Variants in KIAA0319 observed in about 807,000 individuals in gnomAD.
The protein encoded by KIAA0319 is KIAA0319.
Under a neutral mutation model 108.4 loss-of-function variants are expected in KIAA0319, and 83 were observed. The ratio of observed to expected loss-of-function variants is 0.77; its 90% CI spans 0.64 to 0.92. The LOEUF (loss-of-function observed/expected upper bound fraction) is 0.92, where lower values mean the gene tolerates loss of function less well. KIAA0319 is among the 40% of genes least tolerant of loss of function. KIAA0319 has a pLI of 0.00. For missense variants in KIAA0319, 1,195 were observed against 1,322.4 expected, an observed-to-expected ratio of 0.90 and a Z score of 1.49; for synonymous variants, 484 against 510.4, an observed-to-expected ratio of 0.95 and a Z score of 0.70.
chr6:24,551,778 C>T (rs570113981), intron 19 of KIAA0319, among the ~76,000 whole-genome samples: 16 of 152,298 alleles, frequency 1.1e-4, no homozygotes, highest in African/African-American at 3.8e-4. Context: ...AGCTAAGCCT[C>T]AGGCTGCAGT....
intron 14 of KIAA0319, among the ~76,000 whole-genome samples, chr6:24,565,304 A>T (rs1255992172): frequency 6.7e-6 from 1 of 149,334 alleles, no homozygotes; most frequent in Non-Finnish European, 1.5e-5. Context: ...ACCACTCCTT[A>T]GTACATCTCC....
chr6:24,621,309 A>T (rs1439291437), intron 1 of KIAA0319, among the ~76,000 whole-genome samples: 2 of 152,078 alleles, frequency 1.3e-5, no homozygotes, highest in African/African-American at 2.4e-5. Context: ...TCCTTAACAC[A>T]CTCACTTTAT....
intron 16 of KIAA0319, among the ~76,000 whole-genome samples, chr6:24,561,262 G>T (rs1043959952): frequency 3.3e-5 from 5 of 152,220 alleles, no homozygotes; most frequent in Non-Finnish European, 1.5e-5. Flanking sequence ...CTTACTGAAT[G>T]AGTTGGGAAA....
chr6:24,594,656 A>G (rs1365531180), intron 3 of KIAA0319, among the ~76,000 whole-genome samples: 1 of 150,608 alleles, frequency 6.6e-6, no homozygotes, highest in Non-Finnish European at 1.5e-5. Flanking sequence ...AAAAAAAAAC[A>G]CTTAAAAATG....
chr6:24,591,142 C>A (rs564191249), intron 3 of KIAA0319, among the ~76,000 whole-genome samples: 12 of 152,272 alleles, frequency 7.9e-5, no homozygotes, highest in African/African-American at 2.9e-4. Context: ...TTCCTAGATA[C>A]CCTGTTCAAT....
rs1456490426 is a variant in KIAA0319 at position 24,600,569 on chromosome 6, A to G, written c.55+480T>C. On this transcript the variant is annotated intron_variant, in intron 2 of 20. Transcript: ENST00000378214. The stretch of plus-strand genomic sequence containing the variant: ...TGTGTTACATTTGGACAAACTGTAC[A>G]TAACAGTTTTTCTAGTCATATCACC... 10 of 929,756 alleles carry G rather than the reference A, an allele frequency of 1.1e-5. No homozygotes were observed. In the Admixed American group the frequency reaches 1.4e-4, roughly 13 times the overall value. 57.6% of individuals were successfully genotyped at this position (929,756 alleles called of 1,614,324 possible).
chr6:24,548,733 A>C (rs896528018), intron 20 of KIAA0319, among the ~76,000 whole-genome samples: 3 of 152,238 alleles, frequency 2.0e-5, no homozygotes, highest in Non-Finnish European at 4.4e-5. Flanking sequence ...GAAATAATGA[A>C]GGAGAGAGGC....
rs191995914 is a variant in KIAA0319 at position 24,594,373 on chromosome 6, C to T, written c.801+1500G>A. ...GGGCACGGTGGCTCATGCCTGTAATCCCAACACTTTGGGAGGCCGAGGTGG... is the reference window on the plus strand; with the variant it reads ...GGGCACGGTGGCTCATGCCTGTAATTCCAACACTTTGGGAGGCCGAGGTGG... On this transcript the variant is annotated intron_variant, in intron 3 of 20. Coordinates refer to ENST00000378214, the MANE Select transcript of KIAA0319 (RefSeq NM_014809.4). Among the ~76,000 whole-genome samples the T allele has an allele frequency of 3.0e-3, 459 of 151,848 alleles. 1 individual carries two copies. The highest frequency in any genetic ancestry group is 7.5e-3 in the African/African-American group (311 of 41,408).
chr6:24,585,192 C>T (rs758511977), intron 4 of KIAA0319, among the ~76,000 whole-genome samples: 3 of 152,168 alleles, frequency 2.0e-5, no homozygotes, highest in African/African-American at 7.2e-5. Context: ...GAGACCAGAA[C>T]ATGCCACCCC....
intron 10 of KIAA0319, among the ~76,000 whole-genome samples, chr6:24,576,161 G>A (rs1334409573): frequency 6.6e-6 from 1 of 152,212 alleles, no homozygotes; most frequent in Non-Finnish European, 1.5e-5. Flanking sequence ...ATTGGTTGCT[G>A]TCCTGTGCTT....
intron 4 of KIAA0319, among the ~76,000 whole-genome samples, chr6:24,587,308 ACT>A (rs1426992021): frequency 2.7e-5 from 4 of 150,076 alleles, no homozygotes; most frequent in East Asian, 3.9e-4. Context: ...ACGGAATCTC[ACT>A]CTGTCGCCCA....
chr6:24,556,375 G>A (rs1345535379), intron 18 of KIAA0319, among the ~76,000 whole-genome samples: 2 of 151,996 alleles, frequency 1.3e-5, no homozygotes, highest in Admixed American at 6.6e-5. Context: ...ATACTATGTT[G>A]TCCAAGCTGG....
chr6:24,596,010 C>T lies in KIAA0319; in HGVS notation c.664G>A (p.Ala222Thr). Reference protein sequence around the residue: ...DPELHYLNESASTPAPKLPER... With the variant: ...DPELHYLNESTSTPAPKLPER... ...GGGAGTTTTGGGGCAGGGGTTGAAG[C>T]CGACTCATTCAGGTAATGGAGCTCA... The change falls in exon 3 of 21, where the codon GCT becomes ACT. Residue 222 changes from alanine (A) to threonine (T), a missense_variant. Physicochemically the swap from Ala to Thr is moderately conservative, Grantham distance 58. Coordinates refer to ENST00000378214, the MANE Select transcript of KIAA0319 (RefSeq NM_014809.4). 1 of 1,614,198 alleles carries T rather than the reference C, an allele frequency of 6.2e-7. No homozygotes were observed. Among genetic ancestry groups the T allele is most frequent in the Non-Finnish European group, 8.5e-7 (1 of 1,180,038 alleles).
At chr6:24,553,335 A>G (rs62400520) in intron 19 of KIAA0319, among the ~76,000 whole-genome samples, 25,406 of 83,580 alleles carry the variant, frequency 0.3, 2,793 homozygotes, top group Middle Eastern at 0.36. Flanking sequence ...ACACACACAC[A>G]CGCACATATA....
At chr6:24,571,450 A>G (rs1159476970) in intron 11 of KIAA0319, among the ~76,000 whole-genome samples, 1 of 151,656 alleles carries the variant, frequency 6.6e-6, no homozygotes, top group African/African-American at 2.4e-5. Context: ...GCACCACGCC[A>G]CAGCCCCCAT....
At chr6:24,568,249 C>T (rs1376687214) in intron 13 of KIAA0319, among the ~76,000 whole-genome samples, 1 of 152,208 alleles carries the variant, frequency 6.6e-6, no homozygotes, top group Non-Finnish European at 1.5e-5. Context: ...TTCACTAATT[C>T]ATTCAACACC....
chr6:24,601,170 C>G lies in KIAA0319; in HGVS notation c.-67G>C. On this transcript the variant is annotated 5_prime_UTR_variant, in exon 2 of 21. Coordinates refer to ENST00000378214, the MANE Select transcript of KIAA0319 (RefSeq NM_014809.4). Reference sequence around the variant, plus strand: ...CCTGAAGAGAGTTTGGTGCAAGCTTCCTTTGATGTTTTTTAGGAGCCAGAT... The same window carrying G: ...CCTGAAGAGAGTTTGGTGCAAGCTTGCTTTGATGTTTTTTAGGAGCCAGAT... 6.3e-7 allele frequency: 1 copy of G among 1,582,262 alleles called. No individual in the cohort carries two copies. Among genetic ancestry groups the G allele is most frequent in the East Asian group, 2.3e-5 (1 of 44,194 alleles).
At position 24,601,023 on chromosome 6, in the gene KIAA0319, G is replaced by A; in HGVS notation, c.55+26C>T. 3 of 1,613,720 alleles carry A rather than the reference G, an allele frequency of 1.9e-6. No individual in the cohort carries two copies. The South Asian group carries it at 3.3e-5, about 18-fold the overall frequency. Reference sequence around the variant, plus strand: ...GTCAAGAAACTCAAGTCCAACACGGGTATCTCCAGGGTAGTAGTTCCCTAC... The same window carrying A: ...GTCAAGAAACTCAAGTCCAACACGGATATCTCCAGGGTAGTAGTTCCCTAC... On this transcript the variant is annotated intron_variant, in intron 2 of 20. Coordinates refer to ENST00000378214, the MANE Select transcript of KIAA0319 (RefSeq NM_014809.4).
chr6:24,594,332 T>G (rs1205310997), intron 3 of KIAA0319, among the ~76,000 whole-genome samples: 2 of 149,542 alleles, frequency 1.3e-5, no homozygotes, highest in African/African-American at 2.5e-5. Context: ...AAAAACCTTC[T>G]GATTCAATCT....
Sources: allele counts gnomAD v4.1 joint callset (sites outside exome capture counted in the v4.1 genomes callset), GRCh38; gene constraint gnomAD v4.1.1; transcripts MANE v1.5; gene names NCBI Gene and HGNC (gene_info 2026-07-23, HGNC 2026-07-21).